UXS1: variants seen among roughly 807,000 people sequenced by gnomAD.
The protein encoded by UXS1 is UDP-glucuronic acid decarboxylase 1.
Under a neutral mutation model 62.6 loss-of-function variants are expected in UXS1, and 33 were observed. That is an observed-to-expected ratio of 0.53 (90% CI 0.40 to 0.70). The LOEUF is 0.70. UXS1 is among the 30% of genes least tolerant of loss of function. The probability of loss-of-function intolerance (pLI) is 0.00; values close to 1 mark genes in which losing one functional copy is unlikely to be tolerated. For synonymous variants in UXS1, 213 were observed against 206.8 expected, an observed-to-expected ratio of 1.03 and a Z score of -0.26; for missense variants, 434 against 556.3, an observed-to-expected ratio of 0.78 and a Z score of 2.21.
chr2:106,108,683 G>T (rs1445733629), intron 10 of UXS1, among the ~76,000 whole-genome samples: 1 of 152,158 alleles, frequency 6.6e-6, no homozygotes, highest in Non-Finnish European at 1.5e-5. Flanking sequence ...GCTGTGTGCA[G>T]GTCAAAGCAG....
chr2:106,153,761 C>A (rs890775930), intron 5 of UXS1, among the ~76,000 whole-genome samples: 11 of 152,314 alleles, frequency 7.2e-5, no homozygotes, highest in African/African-American at 2.4e-4. Context: ...GACACCAAAG[C>A]AACCACTGTA....
chr2:106,108,616 G>A (rs540223565), intron 10 of UXS1, among the ~76,000 whole-genome samples: 9 of 152,318 alleles, frequency 5.9e-5, no homozygotes, highest in African/African-American at 1.7e-4. Flanking sequence ...GAACAGGAGA[G>A]ATGCCAGGAG....
intron 1 of UXS1, among the ~76,000 whole-genome samples, chr2:106,175,576 G>C (rs1394511622): frequency 6.6e-6 from 1 of 152,076 alleles, no homozygotes; most frequent in Non-Finnish European, 1.5e-5. Context: ...CCTTTAGATG[G>C]TCACAGATGG....
rs199807168 is a variant in UXS1 at position 106,186,455 on chromosome 2, T to C, written c.94+7693A>G. 9.1e-3 allele frequency among the ~76,000 whole-genome samples: 1,280 copies of C among 141,248 alleles called. 8 individuals carry two copies. Among genetic ancestry groups the C allele is most frequent in the Middle Eastern group, 0.033 (9 of 270 alleles). 92.7% of individuals were successfully genotyped at this position (141,248 alleles called of 152,430 possible). A position where few individuals can be genotyped will look rare whatever the true frequency, so the allele number is the denominator to read the frequency against. On this transcript the variant is annotated intron_variant, in intron 1 of 14. Coordinates refer to ENST00000283148, the MANE Select transcript of UXS1 (RefSeq NM_001253875.2). ...TGCTCTGGGCTTTTATATATATATA[T>C]ATACACACACACACACACACATATA...
At position 106,189,094 on chromosome 2, in the gene UXS1, T is replaced by C. The variant is rs369141278; in HGVS notation, c.94+5054A>G. 4.3e-4 allele frequency among the ~76,000 whole-genome samples: 65 copies of C among 152,228 alleles called. 1 individual carries two copies. The highest frequency in any genetic ancestry group is 3.4e-3 in the Middle Eastern group (1 of 294). On this transcript the variant is annotated intron_variant, in intron 1 of 14. Coordinates refer to ENST00000283148, the MANE Select transcript of UXS1 (RefSeq NM_001253875.2). ...AGAGGATTGGTCCAGCAATCCTATATCAGAATAGTAGTAGTCCCAGAAAGA... is the reference window on the plus strand; with the variant it reads ...AGAGGATTGGTCCAGCAATCCTATACCAGAATAGTAGTAGTCCCAGAAAGA...
intron 10 of UXS1, 114 bp from the exon 11 acceptor site, chr2:106,104,951 G>A: frequency 7.9e-7 from 1 of 1,261,990 alleles, no homozygotes; most frequent in Non-Finnish European, 1.2e-6. Flanking sequence ...AGGGGGCAGT[G>A]ATGCTGACTC....
At chr2:106,140,167 C>T (rs908413022) in intron 6 of UXS1, among the ~76,000 whole-genome samples, 9 of 152,236 alleles carry the variant, frequency 5.9e-5, no homozygotes, top group African/African-American at 2.2e-4. Flanking sequence ...AGGCTGCACA[C>T]ACTAGAGACT....
chr2:106,094,189 A>T, intron 14 of UXS1, 32 bp from the exon 15 acceptor site: 2 of 1,607,636 alleles, frequency 1.2e-6, no homozygotes, highest in Non-Finnish European at 1.7e-6. Context: ...AAGGGAGACA[A>T]GGTCACATTG....
intron 9 of UXS1, among the ~76,000 whole-genome samples, chr2:106,118,979 C>T (rs1194737864): frequency 6.6e-6 from 1 of 152,086 alleles, no homozygotes; most frequent in Non-Finnish European, 1.5e-5. Flanking sequence ...CGTACTATTC[C>T]ACCTGGTTCA....
At chr2:106,183,105 T>G (rs911750681) in intron 1 of UXS1, among the ~76,000 whole-genome samples, 6 of 152,114 alleles carry the variant, frequency 3.9e-5, no homozygotes, top group Non-Finnish European at 4.4e-5. Flanking sequence ...TAATGGCCAT[T>G]TCCACCAGAG....
intron 1 of UXS1, among the ~76,000 whole-genome samples, chr2:106,189,302 C>T (rs1436706886): frequency 2.0e-5 from 3 of 152,190 alleles, no homozygotes; most frequent in Non-Finnish European, 2.9e-5. Context: ...TCAGGGCAGG[C>T]ATTGTTAAAC....
At chr2:106,186,457 T>TATATAC (rs375660148) in intron 1 of UXS1, among the ~76,000 whole-genome samples, 222 of 148,796 alleles carry the variant, frequency 1.5e-3, no homozygotes, top group African/African-American at 5.3e-3. Flanking sequence ...TATATATATA[T>TATATAC]ACACACACAC....
At chr2:106,144,046 A>G (rs1681362759) in intron 6 of UXS1, among the ~76,000 whole-genome samples, 1 of 152,204 alleles carries the variant, frequency 6.6e-6, no homozygotes, top group Non-Finnish European at 1.5e-5. Context: ...AGCACCACCT[A>G]GCATCTTGGG....
chr2:106,104,330 A>G (rs181122573), intron 11 of UXS1, among the ~76,000 whole-genome samples: 47 of 152,352 alleles, frequency 3.1e-4, no homozygotes, highest in Admixed American at 1.0e-3. Flanking sequence ...TTCAAAAAAT[A>G]TATTTTTATC....
At chr2:106,150,562 C>T (rs140989305) in intron 5 of UXS1, among the ~76,000 whole-genome samples, 68 of 152,320 alleles carry the variant, frequency 4.5e-4, no homozygotes, top group Non-Finnish European at 8.5e-4. Flanking sequence ...GCTACCGCTC[C>T]GGAAGATATA....
intron 10 of UXS1, among the ~76,000 whole-genome samples, chr2:106,105,405 G>A (rs932543472): frequency 4.4e-4 from 67 of 152,248 alleles, no homozygotes; most frequent in African/African-American, 1.6e-3. Flanking sequence ...CAGGAGGAGG[G>A]TCACATTCCC....
rs755881784 is a variant in UXS1 at position 106,123,098 on chromosome 2, T to A, written c.638-7A>T. ...TGAGGGTGGACTTCAGGATCTACGA[T>A]GGGAGAAAAGTGAGACTGTTTTCAT... is the stretch of plus-strand genomic sequence containing the variant. On this transcript the variant is annotated splice_polypyrimidine_tract_variant and splice_region_variant and intron_variant, in intron 8 of 14. Transcript: ENST00000283148. 5 of 1,613,686 alleles carry A rather than the reference T, an allele frequency of 3.1e-6. No individual in the cohort carries two copies. In the East Asian group the frequency reaches 1.1e-4, roughly 36 times the overall value.
At chr2:106,159,290 C>G (rs1216423654) in intron 4 of UXS1, 1 of 151,318 alleles carries the variant, frequency 6.6e-6, no homozygotes. Context: ...GCATGAGGAC[C>G]GCTCCACAAG....
chr2:106,145,468 A>G, intron 5 of UXS1, 98 bp from the exon 6 acceptor site: 1 of 1,424,062 alleles, frequency 7.0e-7, no homozygotes, highest in Non-Finnish European at 9.3e-7. Context: ...TGCAGCCACG[A>G]CTTAAAACTC....
Sources: allele counts gnomAD v4.1 joint callset (sites outside exome capture counted in the v4.1 genomes callset), GRCh38; gene constraint gnomAD v4.1.1; transcripts MANE v1.5; gene names NCBI Gene and HGNC (gene_info 2026-07-23, HGNC 2026-07-21).